DGLUCY: variants seen among roughly 807,000 people sequenced by gnomAD.
The protein encoded by DGLUCY is D-glutamate cyclase, also known as D-glutamate cyclase, mitochondrial.
DGLUCY carries 58 observed loss-of-function variants against 58.5 expected under a neutral mutation model. The observed-to-expected ratio is 0.99, with a 90% CI of 0.80 to 1.23. The LOEUF is 1.23. Among genes scored for constraint, DGLUCY ranks in the 50% most tolerant of loss-of-function variants. The pLI is 0.00. For missense variants in DGLUCY, 779 were observed against 784.7 expected (o/e 0.99, Z 0.09); for synonymous variants, 325 against 314.1 (o/e 1.03, Z -0.37).
At chr14:91,090,022 T>C (rs2044284490) in intron 1 of DGLUCY, among the ~76,000 whole-genome samples, 1 of 152,108 alleles carries the variant, frequency 6.6e-6, no homozygotes, top group Non-Finnish European at 1.5e-5. Context: ...GGACAATCTG[T>C]CCACCTCTAC....
At chr14:91,181,433 C>T (rs377146604) in intron 8 of DGLUCY, 44 bp downstream of exon 8, 100 of 1,571,530 alleles carry the variant, frequency 6.4e-5, no homozygotes, top group Non-Finnish European at 8.3e-5. Context: ...AGGTAAGAAA[C>T]AACACATTTG....
chr14:91,171,327 C>T (rs1340591877), intron 5 of DGLUCY, among the ~76,000 whole-genome samples: 2 of 152,220 alleles, frequency 1.3e-5, no homozygotes, highest in African/African-American at 4.8e-5. Context: ...GCTGATATGG[C>T]AACTGTTTGT....
intron 8 of DGLUCY, among the ~76,000 whole-genome samples, chr14:91,181,722 G>A (rs377652880): frequency 6.9e-5 from 10 of 145,854 alleles, no homozygotes; most frequent in East Asian, 5.9e-4. Flanking sequence ...TGCCCAGGCT[G>A]GAACAATGGC....
At chr14:91,128,156 G>A (rs1356020742) in intron 1 of DGLUCY, among the ~76,000 whole-genome samples, 3 of 151,902 alleles carry the variant, frequency 2.0e-5, no homozygotes, top group Non-Finnish European at 4.4e-5. Context: ...GAGTTACTTA[G>A]GACACTTGAT....
At chr14:91,080,369 T>C (rs2044103125) in intron 1 of DGLUCY, among the ~76,000 whole-genome samples, 1 of 152,190 alleles carries the variant, frequency 6.6e-6, no homozygotes, top group Admixed American at 6.5e-5. Context: ...AAACTGACAC[T>C]ATTTATTTTT....
chr14:91,124,498 T>C (rs1274871055), intron 1 of DGLUCY, among the ~76,000 whole-genome samples: 1 of 152,226 alleles, frequency 6.6e-6, no homozygotes, highest in Non-Finnish European at 1.5e-5. Flanking sequence ...TTTCTGTGAA[T>C]GGCATGGCTT....
Position 91,224,962 on chromosome 14 carries a change from G to T in DGLUCY, c.*129G>T, listed in dbSNP as rs957493541. On this transcript the variant is annotated 3_prime_UTR_variant, in exon 14 of 14. Transcript: ENST00000256324. Reference sequence around the variant, plus strand: ...TCGGTGAGCAACGAACACTCGCCTGGCCTGGGAAACTGCATGCCCACTTTC... The same window carrying T: ...TCGGTGAGCAACGAACACTCGCCTGTCCTGGGAAACTGCATGCCCACTTTC... The T allele has an allele frequency of 1.3e-5, 15 of 1,143,146 alleles. No homozygotes were observed. The highest frequency in any genetic ancestry group is 5.6e-5 in the East Asian group (2 of 35,528). The allele number at this position is 1,143,146 out of a possible 1,614,324, so 70.8% of individuals were successfully genotyped here. A position where few individuals can be genotyped will look rare whatever the true frequency, so the allele number is the denominator to read the frequency against.
chr14:91,108,526 T>TGTGTGTGTGTGTGTGTGTGA (rs1265665234), intron 1 of DGLUCY, among the ~76,000 whole-genome samples: 1 of 52,122 alleles, frequency 1.9e-5, no homozygotes, highest in Non-Finnish European at 3.8e-5. Flanking sequence ...TGTGTGTGTG[T>TGTGTGTGTGTGTGTGTGTGA]GAGAGAGAGA....
At chr14:91,118,235 C>A (rs2045121830) in intron 1 of DGLUCY, among the ~76,000 whole-genome samples, 1 of 151,804 alleles carries the variant, frequency 6.6e-6, no homozygotes, top group South Asian at 2.1e-4. Flanking sequence ...CACCACCACC[C>A]CCACCACGCC....
Position 91,204,785 on chromosome 14 carries a change from C to A in DGLUCY, c.1524C>A (p.Val508=). The change falls in exon 12 of 14, where the codon GTC becomes GTA. Residue 508 remains valine, a synonymous_variant. Coordinates refer to ENST00000256324, the MANE Select transcript of DGLUCY (RefSeq NM_001102368.3). ...AVRRHIRHGD[V]IACDVEADFA... is the part of the protein sequence containing the mutation. The stretch of plus-strand genomic sequence containing the variant: ...GGAGGCACATACGGCACGGGGATGT[C>A]ATCGCCTGCGACGTGGAGGCTGACT... The A allele has an allele frequency of 6.2e-7, 1 of 1,614,106 alleles. No homozygotes were observed. Among genetic ancestry groups the A allele is most frequent in the South Asian group, 1.1e-5 (1 of 91,066 alleles).
At chr14:91,165,904 G>A (rs976819317) in intron 3 of DGLUCY, among the ~76,000 whole-genome samples, 7 of 152,162 alleles carry the variant, frequency 4.6e-5, no homozygotes, top group African/African-American at 1.7e-4. Flanking sequence ...AATGTTCATG[G>A]CAGCACCATT....
intron 13 of DGLUCY, 191 bp downstream of exon 13, chr14:91,215,747 TG>T: frequency 6.9e-7 from 1 of 1,456,780 alleles, no homozygotes; most frequent in Non-Finnish European, 9.0e-7. Context: ...CTGAATCGTG[TG>T]GCAGGCCTGA....
chr14:91,107,754 A>G (rs924835766), upstream of DGLUCY, among the ~76,000 whole-genome samples: 11 of 152,186 alleles, frequency 7.2e-5, no homozygotes, highest in South Asian at 4.1e-4. Flanking sequence ...AAAACAATGG[A>G]ATGGTATATC....
At position 91,215,558 on chromosome 14, in the gene DGLUCY, T is replaced by C. The variant is rs754580707; in HGVS notation, c.1716+2T>C. 1 of 1,613,510 alleles carries C rather than the reference T, an allele frequency of 6.2e-7. No individual in the cohort carries two copies. Among genetic ancestry groups the C allele is most frequent in the Non-Finnish European group, 8.5e-7 (1 of 1,179,628 alleles). ...CAGGCCCTCCCGTCGGTCATTAAGGTAACAAACCCCAGCCAGCCGCTCGCC... is the reference window on the plus strand; with the variant it reads ...CAGGCCCTCCCGTCGGTCATTAAGGCAACAAACCCCAGCCAGCCGCTCGCC... On this transcript the variant is annotated splice_donor_variant, in intron 13 of 13. Coordinates refer to ENST00000256324, the MANE Select transcript of DGLUCY (RefSeq NM_001102368.3). LOFTEE classifies it high-confidence loss of function.
chr14:91,103,309 A>G (rs941206700), upstream of DGLUCY, among the ~76,000 whole-genome samples: 1 of 152,118 alleles, frequency 6.6e-6, no homozygotes, highest in Non-Finnish European at 1.5e-5. Flanking sequence ...CAGACTGCAA[A>G]TGGGCTATCA....
rs374160119 is a variant in DGLUCY, at chr14:91,188,030, G to C, written c.935-880G>C. Among the ~76,000 whole-genome samples, 4 of 152,150 alleles carry C rather than the reference G, an allele frequency of 2.6e-5. No homozygotes were observed. The South Asian group carries it at 8.3e-4, about 32-fold the overall frequency. ...CCTGTATTAGTTAGGGTTTGCTAGA[G>C]TGCTGTAACCTAGAAGCCCCGGGAT... On this transcript the variant is annotated intron_variant, in intron 8 of 13. Coordinates refer to ENST00000256324, the MANE Select transcript of DGLUCY (RefSeq NM_001102368.3).
intron 8 of DGLUCY, chr14:91,185,525 C>T (rs1245988093): frequency 6.6e-6 from 1 of 151,628 alleles, no homozygotes; most frequent in Non-Finnish European, 1.5e-5. Context: ...CCTCCTCAGT[C>T]TCCCAAAGTG....
At chr14:91,122,752 G>T (rs1755809712) in intron 1 of DGLUCY, among the ~76,000 whole-genome samples, 1 of 151,832 alleles carries the variant, frequency 6.6e-6, no homozygotes, top group Non-Finnish European at 1.5e-5. Context: ...GGGACTGTAG[G>T]CGCCTGCCAC....
chr14:91,192,693 AC>A (rs2049970277), intron 9 of DGLUCY, among the ~76,000 whole-genome samples: 1 of 152,176 alleles, frequency 6.6e-6, no homozygotes, highest in African/African-American at 2.4e-5. Context: ...AATCCCAGCT[AC>A]CTGGAAGGCT....
Sources: gnomAD v4.1 joint callset for allele counts (sites outside exome capture counted in the v4.1 genomes callset) on GRCh38, gnomAD v4.1.1 for gene constraint, MANE v1.5 for transcripts, NCBI Gene and HGNC (gene_info 2026-07-23, HGNC 2026-07-21) for gene names.